The following CDH8 variants were observed in gnomAD, a reference collection of about 807,000 sequenced individuals.
CDH8 encodes the protein cadherin 8.
Under a neutral mutation model 68.1 loss-of-function variants are expected in CDH8, and 17 were observed. The ratio of observed to expected loss-of-function variants is 0.25; its 90% CI spans 0.17 to 0.37. The LOEUF (loss-of-function observed/expected upper bound fraction) is 0.37, where lower values mean the gene tolerates loss of function less well. CDH8 is among the 10% of genes least tolerant of loss of function. The pLI, the probability that CDH8 is intolerant of heterozygous loss-of-function variation, is 1.00. For synonymous variants in CDH8, 372 were observed against 365.1 expected (o/e 1.02, Z -0.21); for missense variants, 763 against 999.3 (o/e 0.76, Z 3.19).
chr16:61,851,273 T>A (rs779793101), intron 4 of CDH8, among the ~76,000 whole-genome samples: 1 of 152,256 alleles, frequency 6.6e-6, no homozygotes, highest in Admixed American at 6.6e-5. Flanking sequence ...GAATATTTTT[T>A]ACTTAGCTCA....
rs915352724 is a variant in CDH8 at position 61,653,217 on chromosome 16, A to T, written c.*391T>A. On this transcript the variant is annotated 3_prime_UTR_variant, in exon 12 of 12. Transcript: ENST00000577390. Reference sequence around the variant, plus strand: ...ATTCATAAAAATCCTTGCAGAAGACACATATCAGCAGCAGATTCCTTGCAG... The same window carrying T: ...ATTCATAAAAATCCTTGCAGAAGACTCATATCAGCAGCAGATTCCTTGCAG... The T allele has an allele frequency of 8.3e-7, 1 of 1,200,110 alleles. No homozygotes were observed. 74.3% of individuals were successfully genotyped at this position (1,200,110 alleles called of 1,614,324 possible). A position where few individuals can be genotyped will look rare whatever the true frequency, so the allele number is the denominator to read the frequency against.
chr16:61,675,085 C>T (rs1014531659), intron 10 of CDH8, among the ~76,000 whole-genome samples: 1 of 151,920 alleles, frequency 6.6e-6, no homozygotes, highest in African/African-American at 2.4e-5. Context: ...AAGAGATCTG[C>T]ACTGAATAAT....
chr16:61,909,906 C>G (rs1964130200), intron 2 of CDH8, among the ~76,000 whole-genome samples: 1 of 152,164 alleles, frequency 6.6e-6, no homozygotes, highest in Admixed American at 6.6e-5. Context: ...AATTCCCAAG[C>G]CAGTGTTCAT....
chr16:62,009,064 A>G (rs1901743222), intron 2 of CDH8, among the ~76,000 whole-genome samples: 1 of 151,900 alleles, frequency 6.6e-6, no homozygotes, highest in Admixed American at 6.6e-5. Context: ...AAACTCCACT[A>G]TAAATAACCC....
chr16:61,724,212 T>C (rs1172356145), intron 9 of CDH8, among the ~76,000 whole-genome samples: 3 of 150,666 alleles, frequency 2.0e-5, no homozygotes, highest in Admixed American at 6.6e-5. Flanking sequence ...AAAGAGCAGA[T>C]ATGATTTCCA....
chr16:61,789,592 T>G (rs1961330470), intron 7 of CDH8, 110 bp from the exon 8 acceptor site: 12 of 1,027,784 alleles, frequency 1.2e-5, no homozygotes, highest in Non-Finnish European at 1.5e-5. Flanking sequence ...TCAAATGAAT[T>G]GGGAAACTCA....
intron 1 of CDH8, among the ~76,000 whole-genome samples, chr16:62,028,754 G>A (rs1021637866): frequency 2.7e-5 from 4 of 148,444 alleles, no homozygotes; most frequent in African/African-American, 5.0e-5. Flanking sequence ...AAAAAAAAAC[G>A]AGTATCAGTC....
At chr16:61,801,060 AT>A (rs1961613620) in intron 7 of CDH8, among the ~76,000 whole-genome samples, 1 of 152,044 alleles carries the variant, frequency 6.6e-6, no homozygotes, top group Non-Finnish European at 1.5e-5. Flanking sequence ...TATAAGCATT[AT>A]TATTAAGTTT....
intron 2 of CDH8, among the ~76,000 whole-genome samples, chr16:61,989,553 C>T (rs1442552138): frequency 6.6e-6 from 1 of 152,138 alleles, no homozygotes; most frequent in African/African-American, 2.4e-5. Context: ...TCTCAAGTCT[C>T]CTGGAACATG....
chr16:61,854,501 G>A (rs552530173), intron 4 of CDH8, among the ~76,000 whole-genome samples: 18 of 152,070 alleles, frequency 1.2e-4, no homozygotes, highest in African/African-American at 4.3e-4. Context: ...TTGATAAGAG[G>A]AACTTCCATG....
At chr16:61,776,331 T>C (rs1253736827) in intron 8 of CDH8, among the ~76,000 whole-genome samples, 3 of 152,142 alleles carry the variant, frequency 2.0e-5, no homozygotes, top group Non-Finnish European at 4.4e-5. Context: ...CTGGGGCAAT[T>C]TGACTTCATA....
chr16:61,658,443 C>G (rs59294358), intron 10 of CDH8, among the ~76,000 whole-genome samples: 1 of 151,600 alleles, frequency 6.6e-6, no homozygotes, highest in Non-Finnish European at 1.5e-5. Flanking sequence ...TGTATTAATT[C>G]GATTGTTTTC....
intron 10 of CDH8, among the ~76,000 whole-genome samples, chr16:61,711,161 G>T (rs1185323585): frequency 6.6e-6 from 1 of 151,840 alleles, no homozygotes; most frequent in Non-Finnish European, 1.5e-5. Context: ...AACTGTGTAG[G>T]AGACAAGAGA....
intron 7 of CDH8, among the ~76,000 whole-genome samples, chr16:61,810,742 G>C (rs1466144163): frequency 1.3e-5 from 2 of 152,062 alleles, no homozygotes; most frequent in African/African-American, 4.8e-5. Flanking sequence ...AGTTAGATAA[G>C]GCTGAGAGCA....
At chr16:61,951,927 C>T (rs1449145904) in intron 2 of CDH8, among the ~76,000 whole-genome samples, 6 of 152,124 alleles carry the variant, frequency 3.9e-5, no homozygotes, top group Admixed American at 3.9e-4. Flanking sequence ...AAGAATTTGT[C>T]AACTTTGCTG....
chr16:61,996,498 G>A (rs1201741088), intron 2 of CDH8, among the ~76,000 whole-genome samples: 1 of 152,082 alleles, frequency 6.6e-6, no homozygotes, highest in Non-Finnish European at 1.5e-5. Flanking sequence ...TTTTATTTGA[G>A]AATATATGTA....
intron 10 of CDH8, among the ~76,000 whole-genome samples, chr16:61,659,717 G>T (rs1051445480): frequency 6.6e-6 from 1 of 151,976 alleles, no homozygotes; most frequent in East Asian, 1.9e-4. Flanking sequence ...CTGTCCCTCA[G>T]AGAAACATGC....
chr16:61,932,551 A>C (rs953374519), intron 2 of CDH8, among the ~76,000 whole-genome samples: 17 of 152,200 alleles, frequency 1.1e-4, no homozygotes, highest in Admixed American at 6.5e-5. Flanking sequence ...TCAGGCATAC[A>C]GTAAAACAAT....
chr16:61,654,710 A>G (rs559025012), intron 11 of CDH8, among the ~76,000 whole-genome samples: 1 of 152,304 alleles, frequency 6.6e-6, no homozygotes, highest in East Asian at 1.9e-4. Context: ...GCCAAATCAA[A>G]TGTGGGCTAA....
Sources: gnomAD v4.1 joint callset for allele counts (sites outside exome capture counted in the v4.1 genomes callset) on GRCh38, gnomAD v4.1.1 for gene constraint, MANE v1.5 for transcripts, NCBI Gene and HGNC (gene_info 2026-07-23, HGNC 2026-07-21) for gene names.